TLL1: variants seen among roughly 807,000 people sequenced by gnomAD.
TLL1 encodes the protein tolloid like 1.
Under a neutral mutation model 128.2 loss-of-function variants are expected in TLL1, and 49 were observed. The observed-to-expected ratio is 0.38, with a 90% confidence interval of 0.30 to 0.48. The LOEUF is 0.48. Ranked by LOEUF, TLL1 falls within the 20% of genes least tolerant of loss-of-function variation. The pLI is 0.96. For synonymous variants in TLL1, 454 were observed against 418.8 expected (o/e 1.08, Z -1.03); for missense variants, 1,123 against 1,242.0 (o/e 0.90, Z 1.44).
At chr4:165,874,098 G>C (rs1216042718) in intron 1 of TLL1, 25 bp downstream of exon 1, 3 of 1,613,674 alleles carry the variant, frequency 1.9e-6, no homozygotes, top group African/African-American at 1.3e-5. Context: ...AGGTTGGGAC[G>C]GTGGCGCGCC....
intron 1 of TLL1, among the ~76,000 whole-genome samples, chr4:165,946,723 A>C (rs1503292): frequency 0.16 from 23,572 of 152,070 alleles, 5,042 homozygotes; most frequent in African/African-American, 0.49. Flanking sequence ...CAACAAATAC[A>C]TAAAAATGCA....
At chr4:166,095,720 C>T (rs1471776324) in intron 19 of TLL1, among the ~76,000 whole-genome samples, 1 of 152,072 alleles carries the variant, frequency 6.6e-6, no homozygotes, top group Non-Finnish European at 1.5e-5. Flanking sequence ...ACCTGTCTTT[C>T]CAAATTAAAA....
At chr4:165,931,444 C>T (rs549141623) in intron 1 of TLL1, among the ~76,000 whole-genome samples, 9 of 152,186 alleles carry the variant, frequency 5.9e-5, no homozygotes, top group East Asian at 3.9e-4. Flanking sequence ...ATTGGCCAGG[C>T]GTGGTCATTC....
chr4:165,918,995 T>C (rs1274265143), intron 1 of TLL1, among the ~76,000 whole-genome samples: 4 of 152,220 alleles, frequency 2.6e-5, no homozygotes, highest in Non-Finnish European at 4.4e-5. Context: ...TTATGGACTA[T>C]GTATTAATTA....
intron 1 of TLL1, among the ~76,000 whole-genome samples, chr4:165,932,693 G>C (rs987241496): frequency 6.6e-6 from 1 of 151,500 alleles, no homozygotes; most frequent in Non-Finnish European, 1.5e-5. Context: ...GAAGAGATTT[G>C]GAATTTCTTG....
At chr4:166,068,253 G>A (rs1013542672) in intron 16 of TLL1, among the ~76,000 whole-genome samples, 3 of 151,716 alleles carry the variant, frequency 2.0e-5, no homozygotes, top group African/African-American at 7.2e-5. Flanking sequence ...ATAAATTGCT[G>A]TTGTATTATC....
chr4:166,058,877 ACGCCC>A (rs1163057933), intron 14 of TLL1, among the ~76,000 whole-genome samples: 1 of 152,098 alleles, frequency 6.6e-6, no homozygotes, highest in Non-Finnish European at 1.5e-5. Flanking sequence ...TGCTTAATGC[ACGCCC>A]CCCTGCTGAC....
At chr4:165,971,974 C>G (rs998499962) in intron 1 of TLL1, among the ~76,000 whole-genome samples, 8 of 152,062 alleles carry the variant, frequency 5.3e-5, no homozygotes, top group Admixed American at 2.6e-4. Flanking sequence ...TCTCTTCCAG[C>G]TTTGTGTAGC....
chr4:165,990,139 T>G (rs1579589752), intron 2 of TLL1, among the ~76,000 whole-genome samples: 1 of 152,058 alleles, frequency 6.6e-6, no homozygotes, highest in East Asian at 1.9e-4. Flanking sequence ...TGTAAAAGAT[T>G]ATTTCAGTTC....
At position 166,101,058 on chromosome 4, in the gene TLL1, C is replaced by T. The variant is rs180980159; in HGVS notation, c.*182C>T. ...TCCAGCAAAACCCTCATCAGCATTA[C>T]AAGGATATTTGAACTCCATGCTTGA... is the stretch of plus-strand genomic sequence containing the variant. On this transcript the variant is annotated 3_prime_UTR_variant, in exon 21 of 21. Coordinates refer to ENST00000061240, the MANE Select transcript of TLL1 (RefSeq NM_012464.5). 2.8e-6 allele frequency: 2 copies of T among 702,032 alleles called. No individual in the cohort carries two copies. Among genetic ancestry groups the T allele is most frequent in the African/African-American group, 3.6e-5 (2 of 55,164 alleles). 43.5% of individuals were successfully genotyped at this position (702,032 alleles called of 1,614,324 possible). A position where few individuals can be genotyped will look rare whatever the true frequency, so the allele number is the denominator to read the frequency against.
rs546256716 is a variant in TLL1 at position 165,900,054 on chromosome 4, A to ATT, written c.169+25996_169+25997dup. Reference sequence around the variant, plus strand: ...AGGATTGTAACCCCTGCTTTCCCTGATTTTTTTTTTTTTTTTGGTTTCTAT... The same window carrying ATT: ...AGGATTGTAACCCCTGCTTTCCCTGATTTTTTTTTTTTTTTTTTGGTTTCTAT... On this transcript the variant is annotated intron_variant, in intron 1 of 20. Transcript: ENST00000061240. Among the ~76,000 whole-genome samples, 901 of 126,960 alleles carry ATT rather than the reference A, an allele frequency of 7.1e-3. 17 individuals carry two copies. The highest frequency in any genetic ancestry group is 0.024 in the African/African-American group (874 of 35,914). The allele number at this position is 126,960 out of a possible 152,430, so 83.3% of individuals were successfully genotyped here. A position where few individuals can be genotyped will look rare whatever the true frequency, so the allele number is the denominator to read the frequency against.
intron 12 of TLL1, 129 bp downstream of exon 12, chr4:166,043,548 G>A: frequency 2.2e-6 from 3 of 1,386,518 alleles, no homozygotes; most frequent in East Asian, 4.6e-5. Context: ...GCAAAGGATC[G>A]CTCATAAAAT....
chr4:166,077,822 G>A (rs556966513), intron 17 of TLL1, 81 bp from the exon 18 acceptor site: 203 of 1,598,498 alleles, frequency 1.3e-4, no homozygotes, highest in Non-Finnish European at 1.7e-4. Context: ...CAACAGGGCA[G>A]TGGGTAAATA....
intron 18 of TLL1, among the ~76,000 whole-genome samples, chr4:166,086,498 G>T (rs1201849237): frequency 2.6e-5 from 4 of 152,164 alleles, no homozygotes; most frequent in Admixed American, 6.5e-5. Flanking sequence ...GGTTGCAATT[G>T]TATGTCTGTC....
chr4:165,920,120 T>C (rs1200030062), intron 1 of TLL1, among the ~76,000 whole-genome samples: 1 of 152,232 alleles, frequency 6.6e-6, no homozygotes, highest in African/African-American at 2.4e-5. Context: ...ATGCGTCTCC[T>C]GTGAAAATCA....
chr4:166,009,647 A>G (rs79205850), intron 7 of TLL1, among the ~76,000 whole-genome samples: 5,587 of 151,568 alleles, frequency 0.037, 106 homozygotes, highest in East Asian at 0.066. Context: ...AGGAGATCAT[A>G]TCCACCTGTT....
intron 15 of TLL1, among the ~76,000 whole-genome samples, chr4:166,063,643 A>G (rs1387868636): frequency 1.3e-5 from 2 of 152,198 alleles, no homozygotes; most frequent in Non-Finnish European, 1.5e-5. Flanking sequence ...CATATACACC[A>G]TGGAATACTA....
chr4:165,964,847 G>A (rs1735291563), intron 1 of TLL1, among the ~76,000 whole-genome samples: 1 of 152,076 alleles, frequency 6.6e-6, no homozygotes, highest in Admixed American at 6.6e-5. Flanking sequence ...TGTGGTGGGA[G>A]GATTGCTTAA....
chr4:165,873,539 C>A lies in TLL1; in HGVS notation c.-366C>A, dbSNP rs540141928. The A allele has an allele frequency of 6.2e-6, 1 of 161,198 alleles. No homozygotes were observed. The highest frequency in any genetic ancestry group is 2.0e-4 in the South Asian group (1 of 5,102). The allele number at this position is 161,198 out of a possible 1,614,324, so 10.0% of individuals were successfully genotyped here. A position where few individuals can be genotyped will look rare whatever the true frequency, so the allele number is the denominator to read the frequency against. On this transcript the variant is annotated 5_prime_UTR_variant, in exon 1 of 21. Coordinates refer to ENST00000061240, the MANE Select transcript of TLL1 (RefSeq NM_012464.5). Reference sequence around the variant, plus strand: ...GCTGAGCCCGCGGGGCGCCGCTCGCCGAGCCGCGGCCGCGGGAAGTTCGGC... The same window carrying A: ...GCTGAGCCCGCGGGGCGCCGCTCGCAGAGCCGCGGCCGCGGGAAGTTCGGC...
Sources: allele counts gnomAD v4.1 joint callset (sites outside exome capture counted in the v4.1 genomes callset), GRCh38; gene constraint gnomAD v4.1.1; transcripts MANE v1.5; gene names NCBI Gene and HGNC (gene_info 2026-07-23, HGNC 2026-07-21).